SYNE1: variants seen among roughly 807,000 people sequenced by gnomAD.
The protein encoded by SYNE1 is nesprin-1.
SYNE1 carries 616 observed loss-of-function variants against 1,111.0 expected under a neutral mutation model. The observed-to-expected ratio is 0.55, with a 90% CI of 0.52 to 0.59. SYNE1 has a LOEUF of 0.59. Among genes scored for constraint, SYNE1 ranks in the 20% least tolerant of loss-of-function variants. SYNE1 has a pLI of 0.00. For synonymous variants in SYNE1, 3,855 were observed against 3,825.8 expected (o/e 1.01, Z -0.28); for missense variants, 10,006 against 10,417.0 (o/e 0.96, Z 1.72).
rs1324280419 is a variant in SYNE1 at position 152,208,224 on chromosome 6, A to G, written c.22590-18T>C. On this transcript the variant is annotated intron_variant, in intron 124 of 145. Transcript: ENST00000367255. The stretch of plus-strand genomic sequence containing the variant: ...ATTCATCCCTAGTGAAGAAATAATT[A>G]CATGGTAAAAAAGCACTGTTATCTT... 1.2e-6 allele frequency: 2 copies of G among 1,609,730 alleles called. No homozygotes were observed. Among genetic ancestry groups the G allele is most frequent in the Non-Finnish European group, 1.7e-6 (2 of 1,176,544 alleles).
chr6:152,556,216 G>A (rs1595295243), intron 3 of SYNE1, among the ~76,000 whole-genome samples: 1 of 152,276 alleles, frequency 6.6e-6, no homozygotes, highest in African/African-American at 2.4e-5. Context: ...TAGTGCCTGA[G>A]TAGAGCACAG....
At chr6:152,441,415 T>C (rs939707900) in intron 31 of SYNE1, 145 bp from the exon 32 acceptor site, 185 of 858,102 alleles carry the variant, frequency 2.2e-4, no homozygotes, top group Non-Finnish European at 4.3e-5. Flanking sequence ...GATTCTAGTA[T>C]CTTCTGTAAG....
chr6:152,329,871 C>G lies in SYNE1; in HGVS notation c.14814G>C (p.Leu4938Phe), dbSNP rs1395336092. 1 of 1,614,196 alleles carries G rather than the reference C, an allele frequency of 6.2e-7. No individual in the cohort carries two copies. Among genetic ancestry groups the G allele is most frequent in the Non-Finnish European group, 8.5e-7 (1 of 1,180,034 alleles). ...QIHQEEVQSS[L>F]RIMNALSHKE... ...TGTGACTCAGCGCATTCATGATTCT[C>G]AAGCTGGACTGGACCTCTTCCTGAT... The change falls in exon 78 of 146, where the codon TTG (leucine) becomes TTC (phenylalanine). Residue 4938 changes from leucine (L) to phenylalanine (F), a missense_variant. Transcript: ENST00000367255.
Position 152,133,176 on chromosome 6 carries a change from G to C in SYNE1, c.26001+100C>G, listed in dbSNP as rs983681646. ...TGGCTGAAAGGAGACACTCCATTCT[G>C]ACAAGTACTATATTTAAAGTCTTTC... On this transcript the variant is annotated intron_variant, in intron 143 of 145. Coordinates refer to ENST00000367255, the MANE Select transcript of SYNE1 (RefSeq NM_182961.4). 3.5e-6 allele frequency: 4 copies of C among 1,143,540 alleles called. No homozygotes were observed. In the East Asian group the frequency reaches 7.0e-5, roughly 20 times the overall value. 70.8% of individuals were successfully genotyped at this position (1,143,540 alleles called of 1,614,324 possible).
At chr6:152,432,383 A>G (rs1003702502) in intron 34 of SYNE1, among the ~76,000 whole-genome samples, 1 of 152,176 alleles carries the variant, frequency 6.6e-6, no homozygotes, top group African/African-American at 2.4e-5. Context: ...TTTCCATAGG[A>G]CAGTGTATTC....
chr6:152,426,481 C>A (rs369851124), intron 38 of SYNE1, among the ~76,000 whole-genome samples: 3 of 152,220 alleles, frequency 2.0e-5, no homozygotes, highest in African/African-American at 7.2e-5. Flanking sequence ...GCCTTACTGA[C>A]GCAATGTCAG....
At chr6:152,139,350 C>T (rs2057854368) in intron 140 of SYNE1, among the ~76,000 whole-genome samples, 1 of 151,862 alleles carries the variant, frequency 6.6e-6, no homozygotes, top group South Asian at 2.1e-4. Flanking sequence ...GTGGGTGGAT[C>T]ACCTGGGGTT....
In SYNE1 at chr6:152,430,593, C is replaced by T; in HGVS notation, c.4578G>A (p.Leu1526=). ...CTTCCCCGTATCTTCTTATTTGTGT[C>T]AACTTGGCTTTAATTCGAGCAGATT... ...TGESARIKAK[L]TQIRRYGEEL... Residue 1526 remains leucine (L), a synonymous_variant, in exon 35 of 146, where the codon TTG becomes TTA. Transcript: ENST00000367255. The T allele has an allele frequency of 1.2e-6, 2 of 1,614,108 alleles. No individual in the cohort carries two copies. The highest frequency in any genetic ancestry group is 1.7e-6 in the Non-Finnish European group (2 of 1,180,002).
chr6:152,561,181 C>CA (rs1163261651), intron 3 of SYNE1, among the ~76,000 whole-genome samples: 8 of 151,668 alleles, frequency 5.3e-5, no homozygotes, highest in Non-Finnish European at 1.2e-4. Context: ...TAGACTCCAC[C>CA]AAAAAAATGG....
Position 152,321,398 on chromosome 6 carries a change from A to G in SYNE1, c.16084-8T>C. 13 of 1,613,434 alleles carry G rather than the reference A, an allele frequency of 8.1e-6. No homozygotes were observed. The highest frequency in any genetic ancestry group is 1.0e-5 in the Non-Finnish European group (12 of 1,179,840). On this transcript the variant is annotated splice_polypyrimidine_tract_variant and splice_region_variant and intron_variant, in intron 83 of 145. Coordinates refer to ENST00000367255, the MANE Select transcript of SYNE1 (RefSeq NM_182961.4). The stretch of plus-strand genomic sequence containing the variant: ...GGCTTCTGTTAGGAGAATCTGAAGA[A>G]AAGATCAAAATAAGAAATTTCTGGG...
chr6:152,366,159 C>G (rs996392546), intron 62 of SYNE1, among the ~76,000 whole-genome samples: 3 of 151,460 alleles, frequency 2.0e-5, no homozygotes, highest in African/African-American at 7.3e-5. Context: ...ATGGAGAAAC[C>G]CCGTCTCTAC....
intron 128 of SYNE1, among the ~76,000 whole-genome samples, chr6:152,188,671 G>A (rs1043513596): frequency 6.6e-6 from 1 of 151,676 alleles, no homozygotes. Flanking sequence ...AAAATATTAT[G>A]CCAGCGGCCA....
At chr6:152,212,809 T>C (rs1227901125) in intron 123 of SYNE1, among the ~76,000 whole-genome samples, 1 of 152,218 alleles carries the variant, frequency 6.6e-6, no homozygotes, top group Admixed American at 6.5e-5. Flanking sequence ...TTTTTCATTA[T>C]AGTCATCCTT....
rs112682732 is a variant in SYNE1 at position 152,162,452 on chromosome 6, C to T, written c.23790+1711G>A. The stretch of plus-strand genomic sequence containing the variant: ...GCTATAAATACATATGATCAATTTG[C>T]CATATTTAACTAGATATTTTGTTGA... On this transcript the variant is annotated intron_variant, in intron 131 of 145. Coordinates refer to ENST00000367255, the MANE Select transcript of SYNE1 (RefSeq NM_182961.4). Among the ~76,000 whole-genome samples the T allele has an allele frequency of 4.3e-3, 657 of 152,176 alleles. 5 individuals are homozygous for T. The highest frequency in any genetic ancestry group is 0.015 in the African/African-American group (632 of 41,514).
At chr6:152,449,678 A>G in intron 27 of SYNE1, 37 bp from the exon 28 acceptor site, 1 of 1,428,548 alleles carries the variant, frequency 7.0e-7, no homozygotes, top group Non-Finnish European at 9.9e-7. Flanking sequence ...TAAAGGGAGA[A>G]CATACCAGAA....
In SYNE1 at chr6:152,133,345, A is replaced by G. The variant is rs1196166498; in HGVS notation, c.25932T>C (p.Leu8644=). 6.2e-7 allele frequency: 1 copy of G among 1,614,140 alleles called. No homozygotes were observed. The highest frequency in any genetic ancestry group is 1.3e-5 in the African/African-American group (1 of 75,026). Residue 8644 remains leucine, a synonymous_variant, in exon 143 of 146, where the codon CTT becomes CTC. Coordinates refer to ENST00000367255, the MANE Select transcript of SYNE1 (RefSeq NM_182961.4). ...TATGACGACTGACCTCCTTCAAGAG[A>G]AGTTTGAGCCGATTTCCAATAACAT... is the stretch of plus-strand genomic sequence containing the variant. ...KVHVIGNRLK[L]LLKEVSRHIK...
intron 27 of SYNE1, 70 bp from the exon 28 acceptor site, chr6:152,449,711 T>C: frequency 8.5e-7 from 1 of 1,179,878 alleles, no homozygotes; most frequent in Non-Finnish European, 1.3e-6. Context: ...GTTTTCTATT[T>C]TGAATTCACT....
intron 130 of SYNE1, chr6:152,168,269 A>G (rs2064176490): frequency 3.1e-6 from 2 of 649,804 alleles, no homozygotes; most frequent in Admixed American, 4.8e-5. Flanking sequence ...TGGGGATGAA[A>G]GTTTCCCCTT....
chr6:152,453,341 C>A, intron 25 of SYNE1: 2 of 621,358 alleles, frequency 3.2e-6, no homozygotes, highest in East Asian at 2.8e-5. Flanking sequence ...AAAAAAAAAT[C>A]AGGAAACCAA....
Sources: gnomAD v4.1 joint callset for allele counts (sites outside exome capture counted in the v4.1 genomes callset) on GRCh38, gnomAD v4.1.1 for gene constraint, MANE v1.5 for transcripts, NCBI Gene and HGNC (gene_info 2026-07-23, HGNC 2026-07-21) for gene names.